PDIK1L: variants seen among roughly 807,000 people sequenced by gnomAD.
PDIK1L encodes serine/threonine-protein kinase PDIK1L.
In PDIK1L, 9 loss-of-function variants were observed where a neutral mutation model predicts 27.1. That is an observed-to-expected ratio of 0.33 (90% confidence interval 0.20 to 0.58). The LOEUF (loss-of-function observed/expected upper bound fraction) is 0.58. Among genes scored for constraint, PDIK1L ranks in the 20% least tolerant of loss-of-function variants. The pLI is 0.86. For missense variants in PDIK1L, 216 were observed against 413.2 expected, an observed-to-expected ratio of 0.52 and a Z score of 4.14; for synonymous variants, 130 against 141.7, an observed-to-expected ratio of 0.92 and a Z score of 0.59.
chr1:26,114,643 C>G lies in PDIK1L; in HGVS notation c.285+50C>G, dbSNP rs770252892. On this transcript the variant is annotated intron_variant, in intron 2 of 2. Transcript: ENST00000374269. This position sits in a 1 kb window ranked among gnomAD's most constrained non-coding sequence, Gnocchi z 4.8. The stretch of plus-strand genomic sequence containing the variant: ...GAAATGATTTGAACATGGCATTGGC[C>G]AGCAAGAAGAGGAATGAAAGGGTCA... 2 of 1,579,670 alleles carry G rather than the reference C, an allele frequency of 1.3e-6. No homozygotes were observed. The highest frequency in any genetic ancestry group is 1.7e-6 in the Non-Finnish European group (2 of 1,156,440).
chr1:26,124,829 A>C lies in PDIK1L; in HGVS notation c.*2252A>C, dbSNP rs1461948871. ...GTACCTACTGTGTGCTCAGCACTAA[A>C]GGTTTGTTGATAAAATGACAATTAA... On this transcript the variant is annotated 3_prime_UTR_variant, in exon 3 of 3. Coordinates refer to ENST00000374269, the MANE Select transcript of PDIK1L (RefSeq NM_152835.5). The C allele has an allele frequency of 6.6e-6, 1 of 152,190 alleles. No individual in the cohort carries two copies. The highest frequency in any genetic ancestry group is 1.5e-5 in the Non-Finnish European group (1 of 68,010). The allele number at this position is 152,190 out of a possible 1,614,324, so 9.4% of individuals were successfully genotyped here. A position where few individuals can be genotyped will look rare whatever the true frequency, so the allele number is the denominator to read the frequency against.
Position 26,114,572 on chromosome 1 carries a change from T to C in PDIK1L, c.264T>C (p.Ser88=). The change falls in exon 2 of 3, where the codon TCT becomes TCC. Residue 88 remains serine (S), a synonymous_variant. Transcript: ENST00000374269. The surrounding 1 kb of genome is among the most constrained non-coding windows in gnomAD (Gnocchi z 4.8). ...TGGTGCAAAAGATGTCCCACGGCTC[T>C]AATTCTTCCCTTTATTTACAGGTAT... ...DGMVQKMSHG[S]NSSLYLQLVE... The C allele has an allele frequency of 6.2e-7, 1 of 1,613,714 alleles. No homozygotes were observed. The highest frequency in any genetic ancestry group is 8.5e-7 in the Non-Finnish European group (1 of 1,179,608).
At chr1:26,117,417 A>T (rs17184877) in intron 2 of PDIK1L, among the ~76,000 whole-genome samples, 24,429 of 152,178 alleles carry the variant, frequency 0.16, 2,124 homozygotes, top group Middle Eastern at 0.23. Flanking sequence ...AGTGCTTATT[A>T]TGTAAGTTGA....
chr1:26,112,891 C>T (rs187166614), intron 1 of PDIK1L, among the ~76,000 whole-genome samples: 24 of 152,318 alleles, frequency 1.6e-4, no homozygotes, highest in Non-Finnish European at 2.5e-4. Context: ...TCTAGAAATT[C>T]TTTGGGCGCT....
rs571662470 is a variant in PDIK1L, at chr1:26,123,818, C to G, written c.*1241C>G. ...AAGTAGAAAAGCTATCCATTTTATA[C>G]AATCACTGATACAGTCTATGTCAAA... is the stretch of plus-strand genomic sequence containing the variant. On this transcript the variant is annotated 3_prime_UTR_variant, in exon 3 of 3. Transcript: ENST00000374269. The G allele has an allele frequency of 1.3e-5, 2 of 152,712 alleles. No individual in the cohort carries two copies. The highest frequency in any genetic ancestry group is 4.8e-5 in the African/African-American group (2 of 41,556). 9.5% of individuals were successfully genotyped at this position (152,712 alleles called of 1,614,324 possible).
At position 26,122,064 on chromosome 1, in the gene PDIK1L, G is replaced by A; in HGVS notation, c.513G>A (p.Leu171=). ...IHRDLKPDNI[L]ISQTRLDTSD... ...GAGATCTTAAGCCTGATAACATCCT[G>A]ATTTCTCAAACCAGGTTGGATACCA... is the stretch of plus-strand genomic sequence containing the variant. The change falls in exon 3 of 3, where the codon CTG becomes CTA. Residue 171 remains leucine (L), a synonymous_variant. Transcript: ENST00000374269. The surrounding 1 kb of genome is among the most constrained non-coding windows in gnomAD (Gnocchi z 5.4). The A allele has an allele frequency of 6.2e-7, 1 of 1,613,906 alleles. No homozygotes were observed. The highest frequency in any genetic ancestry group is 8.5e-7 in the Non-Finnish European group (1 of 1,179,986).
At chr1:26,115,628 C>T (rs957069360) in intron 2 of PDIK1L, among the ~76,000 whole-genome samples, 3 of 151,734 alleles carry the variant, frequency 2.0e-5, no homozygotes, top group Admixed American at 6.6e-5. Flanking sequence ...GGTGAAACCC[C>T]GTCTCTACTA....
At chr1:26,117,599 C>G (rs938562740) in intron 2 of PDIK1L, among the ~76,000 whole-genome samples, 1 of 151,978 alleles carries the variant, frequency 6.6e-6, no homozygotes, top group Non-Finnish European at 1.5e-5. Flanking sequence ...AAAAATTAGC[C>G]AGGTGTGGCA....
rs17257113 is a variant in PDIK1L at position 26,123,104 on chromosome 1, G to A, written c.*527G>A. The A allele has an allele frequency of 0.17, 25,205 of 151,850 alleles. 2,261 individuals are homozygous for A. The highest frequency in any genetic ancestry group is 0.24 in the Middle Eastern group (69 of 286). The allele number at this position is 151,850 out of a possible 1,614,324, so 9.4% of individuals were successfully genotyped here. A position where few individuals can be genotyped will look rare whatever the true frequency, so the allele number is the denominator to read the frequency against. On this transcript the variant is annotated 3_prime_UTR_variant, in exon 3 of 3. Coordinates refer to ENST00000374269, the MANE Select transcript of PDIK1L (RefSeq NM_152835.5). ...TGGGTTTTTGAGATTTGCTGGTGAA[G>A]TCAGTGACGAAAAATAAACCTTCCC...
intron 2 of PDIK1L, among the ~76,000 whole-genome samples, chr1:26,116,768 C>T (rs549286695): frequency 5.3e-5 from 8 of 151,750 alleles, no homozygotes; most frequent in South Asian, 2.1e-4. Context: ...CAGGCTGGAG[C>T]GCAGTGGTGC....
Position 26,122,166 on chromosome 1 carries a change from A to G in PDIK1L, c.615A>G (p.Glu205=), listed in dbSNP as rs1197809841. The G allele has an allele frequency of 6.2e-7, 1 of 1,614,106 alleles. No individual in the cohort carries two copies. The highest frequency in any genetic ancestry group is 8.5e-7 in the Non-Finnish European group (1 of 1,180,034). ...KVCSASGQNP[E]EPVSVNKCFL... is the part of the protein sequence containing the mutation. ...GTTCAGCCTCTGGGCAGAACCCAGA[A>G]GAACCTGTCAGTGTAAACAAGTGTT... is the stretch of plus-strand genomic sequence containing the variant. Residue 205 remains glutamate (E), a synonymous_variant, in exon 3 of 3, where the codon GAA becomes GAG. Coordinates refer to ENST00000374269, the MANE Select transcript of PDIK1L (RefSeq NM_152835.5). This position sits in a 1 kb window ranked among gnomAD's most constrained non-coding sequence, Gnocchi z 5.4.
Position 26,123,580 on chromosome 1 carries a change from C to CTCCA in PDIK1L, c.*1004_*1007dup, listed in dbSNP as rs1421438138. 1 of 152,612 alleles carries CTCCA rather than the reference C, an allele frequency of 6.6e-6. No individual in the cohort carries two copies. Among genetic ancestry groups the CTCCA allele is most frequent in the African/African-American group, 2.4e-5 (1 of 41,436 alleles). The allele number at this position is 152,612 out of a possible 1,614,324, so 9.5% of individuals were successfully genotyped here. A position where few individuals can be genotyped will look rare whatever the true frequency, so the allele number is the denominator to read the frequency against. On this transcript the variant is annotated 3_prime_UTR_variant, in exon 3 of 3. Coordinates refer to ENST00000374269, the MANE Select transcript of PDIK1L (RefSeq NM_152835.5). ...ACTGAAGTTGAAGAAACCAAATGAG[C>CTCCA]TCCACCCTCACTTTGCCTGCCCTGA...
intron 2 of PDIK1L, among the ~76,000 whole-genome samples, chr1:26,119,121 T>C (rs532515442): frequency 3.3e-5 from 5 of 152,338 alleles, no homozygotes; most frequent in African/African-American, 9.6e-5. Context: ...AAGTTACGAA[T>C]CGTTGGCTGG....
chr1:26,122,179 G>T lies in PDIK1L; in HGVS notation c.628G>T (p.Val210Leu). The change falls in exon 3 of 3, where the codon GTA becomes TTA. Residue 210 changes from valine (V) to leucine (L), a missense_variant. This residue lies in a region of PDIK1L where 169 missense variants were observed against 366.0 expected (regional missense o/e 0.46). Coordinates refer to ENST00000374269, the MANE Select transcript of PDIK1L (RefSeq NM_152835.5). This position sits in a 1 kb window ranked among gnomAD's most constrained non-coding sequence, Gnocchi z 5.4. ...SGQNPEEPVSVNKCFLSTACG... is the reference protein window; with the variant it reads ...SGQNPEEPVSLNKCFLSTACG... ...GCAGAACCCAGAAGAACCTGTCAGTGTAAACAAGTGTTTCCTTTCCACAGC... is the reference window on the plus strand; with the variant it reads ...GCAGAACCCAGAAGAACCTGTCAGTTTAAACAAGTGTTTCCTTTCCACAGC... The T allele has an allele frequency of 6.2e-7, 1 of 1,614,248 alleles. No homozygotes were observed. Among genetic ancestry groups the T allele is most frequent in the Non-Finnish European group, 8.5e-7 (1 of 1,180,044 alleles).
chr1:26,122,013 C>T lies in PDIK1L; in HGVS notation c.462C>T (p.Phe154=). Residue 154 remains phenylalanine, a synonymous_variant, in exon 3 of 3, where the codon TTC becomes TTT. Transcript: ENST00000374269. The surrounding 1 kb of genome is among the most constrained non-coding windows in gnomAD (Gnocchi z 5.4). ...TTCAGCTGAGCAGTGCCCTGGCTTTCTTGCATAAAAACCAGATCATCCACC... is the reference window on the plus strand; with the variant it reads ...TTCAGCTGAGCAGTGCCCTGGCTTTTTTGCATAAAAACCAGATCATCCACC... The part of the protein sequence containing the change: ...FMLQLSSALA[F]LHKNQIIHRD... 6.2e-7 allele frequency: 1 copy of T among 1,614,016 alleles called. No homozygotes were observed. The highest frequency in any genetic ancestry group is 8.5e-7 in the Non-Finnish European group (1 of 1,180,008).
At chr1:26,112,683 C>G (rs2087816907) in intron 1 of PDIK1L, 1 of 152,244 alleles carries the variant, frequency 6.6e-6, no homozygotes, top group Non-Finnish European at 1.5e-5. Flanking sequence ...TGGGACTGAA[C>G]ACAATCTCAG....
chr1:26,117,178 C>G (rs2087893935), intron 2 of PDIK1L, among the ~76,000 whole-genome samples: 1 of 151,782 alleles, frequency 6.6e-6, no homozygotes, highest in Admixed American at 6.6e-5. Flanking sequence ...ACTACAGGTG[C>G]CCGTCACCAT....
At chr1:26,118,128 C>G (rs1339598387) in intron 2 of PDIK1L, among the ~76,000 whole-genome samples, 3 of 151,512 alleles carry the variant, frequency 2.0e-5, no homozygotes, top group Non-Finnish European at 4.4e-5. Context: ...GAGGCATGAT[C>G]TATTTTGAAC....
At position 26,115,228 on chromosome 1, in the gene PDIK1L, T is replaced by C. The variant is rs1014953191; in HGVS notation, c.285+635T>C. Among the ~76,000 whole-genome samples, 42 of 152,190 alleles carry C rather than the reference T, an allele frequency of 2.8e-4. 1 individual carries two copies. Among genetic ancestry groups the C allele is most frequent in the Admixed American group, 2.6e-3 (40 of 15,280 alleles). ...GGACTATTATTATCTTCATTACAAA[T>C]GAAGAAACTGAGGCTTATAGTATAG... On this transcript the variant is annotated intron_variant, in intron 2 of 2. Transcript: ENST00000374269.
Sources: gnomAD v4.1 joint callset for allele counts (sites outside exome capture counted in the v4.1 genomes callset) on GRCh38, gnomAD v4.1.1 for gene constraint, gnomAD v4.1.1 regional missense constraint, Gnocchi (gnomAD v3.1) non-coding constraint, MANE v1.5 for transcripts, NCBI Gene and HGNC (gene_info 2026-07-23, HGNC 2026-07-21) for gene names.